Variants in DMXL2 observed in about 807,000 individuals in gnomAD.
DMXL2 encodes Dmx like 2.
Under a neutral mutation model 331.1 loss-of-function variants are expected in DMXL2, and 103 were observed. The observed-to-expected ratio is 0.31, with a 90% CI of 0.27 to 0.37. DMXL2 has a LOEUF of 0.37. DMXL2 is among the 10% of genes least tolerant of loss of function. The pLI is 1.00. For synonymous variants in DMXL2, 1,281 were observed against 1,252.1 expected (o/e 1.02, Z -0.49); for missense variants, 3,171 against 3,642.9 (o/e 0.87, Z 3.33).
At chr15:51,524,371 C>T (rs148898663) in intron 13 of DMXL2, among the ~76,000 whole-genome samples, 2 of 152,104 alleles carry the variant, frequency 1.3e-5, no homozygotes, top group South Asian at 2.1e-4. Context: ...TAGAGGGCTC[C>T]CCCAATCGTC....
chr15:51,519,958 C>T (rs1273129047), intron 13 of DMXL2, among the ~76,000 whole-genome samples: 2 of 152,026 alleles, frequency 1.3e-5, no homozygotes, highest in African/African-American at 4.8e-5. Flanking sequence ...GTTTTAAGGG[C>T]ATCATTCTAA....
intron 1 of DMXL2, among the ~76,000 whole-genome samples, chr15:51,600,271 GTTA>G (rs1389700688): frequency 6.6e-6 from 1 of 152,022 alleles, no homozygotes; most frequent in East Asian, 1.9e-4. Flanking sequence ...CCACCTCCTG[GTTA>G]TCACCTCCTT....
Position 51,539,580 on chromosome 15 carries a change from G to A in DMXL2, c.1106-1128C>T, listed in dbSNP as rs986240918. On this transcript the variant is annotated intron_variant, in intron 9 of 43. Transcript: ENST00000560891. ...TCCTAGCACTTCTGAAGGCCAAGGC[G>A]GGAGGATCGCTTGAACTTAGGAGTT... Among the ~76,000 whole-genome samples, 8 of 152,086 alleles carry A rather than the reference G, an allele frequency of 5.3e-5. No individual in the cohort carries two copies. The South Asian group carries it at 6.2e-4, about 12-fold the overall frequency.
At chr15:51,467,730 T>TTC (rs960307045) in intron 29 of DMXL2, among the ~76,000 whole-genome samples, 6 of 80,770 alleles carry the variant, frequency 7.4e-5, no homozygotes, top group African/African-American at 3.1e-4. Context: ...CTAGTACTTC[T>TTC]TTTTTTTTTT....
chr15:51,477,593 C>T (rs1243825852), intron 26 of DMXL2, among the ~76,000 whole-genome samples: 2 of 151,924 alleles, frequency 1.3e-5, no homozygotes, highest in East Asian at 3.9e-4. Flanking sequence ...AGAAAGAAAG[C>T]CAGAAATATA....
rs116596092 is a variant in DMXL2 at position 51,563,678 on chromosome 15, T to C, written c.501-231A>G. On this transcript the variant is annotated intron_variant, in intron 5 of 43. Transcript: ENST00000560891. ...AAGAATGTAAGTAACATGAATACAGTATATCTCCACCTACATGTCCCACCA... is the reference window on the plus strand; with the variant it reads ...AAGAATGTAAGTAACATGAATACAGCATATCTCCACCTACATGTCCCACCA... Among the ~76,000 whole-genome samples the C allele has an allele frequency of 2.1e-3, 325 of 152,248 alleles. 1 individual carries two copies. Among genetic ancestry groups the C allele is most frequent in the African/African-American group, 7.5e-3 (311 of 41,578 alleles).
intron 1 of DMXL2, among the ~76,000 whole-genome samples, chr15:51,602,856 A>T (rs909297558): frequency 2.6e-5 from 4 of 152,246 alleles, no homozygotes. Context: ...GATTTACAAA[A>T]GGCCCAGAGT....
chr15:51,569,533 G>A (rs1348782405), intron 2 of DMXL2, among the ~76,000 whole-genome samples: 1 of 152,194 alleles, frequency 6.6e-6, no homozygotes. Flanking sequence ...TACCCAGACT[G>A]GAGACACCTC....
At chr15:51,547,124 A>T in intron 7 of DMXL2, 106 bp downstream of exon 7, 1 of 943,408 alleles carries the variant, frequency 1.1e-6, no homozygotes, top group Non-Finnish European at 1.5e-6. Context: ...TTGATGCCAG[A>T]GCCTATGCTA....
chr15:51,592,746 G>A (rs2052482321), intron 1 of DMXL2, among the ~76,000 whole-genome samples: 1 of 152,164 alleles, frequency 6.6e-6, no homozygotes, highest in Non-Finnish European at 1.5e-5. Context: ...CCAGAAGAGA[G>A]TGGGGGCCAA....
chr15:51,573,573 A>G (rs1401686787), intron 2 of DMXL2, among the ~76,000 whole-genome samples: 1 of 152,138 alleles, frequency 6.6e-6, no homozygotes, highest in East Asian at 1.9e-4. Context: ...GGAAACCATT[A>G]TTCTCTGCAA....
chr15:51,528,566 A>C lies in DMXL2; in HGVS notation c.2436+7097T>G, dbSNP rs1914019. Among the ~76,000 whole-genome samples the C allele has an allele frequency of 9.6e-3, 1,457 of 152,302 alleles. 20 individuals carry two copies. Among genetic ancestry groups the C allele is most frequent in the African/African-American group, 0.034 (1,402 of 41,580 alleles). On this transcript the variant is annotated intron_variant, in intron 13 of 43. Coordinates refer to ENST00000560891, the MANE Select transcript of DMXL2 (RefSeq NM_001378457.1). ...TAATGCTGAAGGGGTCAATTCAGCA[A>C]GAGAATATAACAATTTTAAATGTAT... is the stretch of plus-strand genomic sequence containing the variant.
intron 32 of DMXL2, 29 bp downstream of exon 32, chr15:51,464,646 C>T (rs1335096382): frequency 6.3e-7 from 1 of 1,598,700 alleles, no homozygotes; most frequent in Admixed American, 1.7e-5. Context: ...AAGCTACGCT[C>T]TTTATCAGCA....
intron 32 of DMXL2, among the ~76,000 whole-genome samples, chr15:51,463,820 A>AT (rs2040335541): frequency 6.6e-6 from 1 of 152,204 alleles, no homozygotes; most frequent in African/African-American, 2.4e-5. Context: ...TGGTTAAAGC[A>AT]TATCAACAAT....
Position 51,491,756 on chromosome 15 carries a change from G to A in DMXL2, c.4784-9C>T. On this transcript the variant is annotated splice_polypyrimidine_tract_variant and intron_variant, in intron 19 of 43. Coordinates refer to ENST00000560891, the MANE Select transcript of DMXL2 (RefSeq NM_001378457.1). ...ATGGCATGTAGAGACACCTAAATTG[G>A]AAATATAAAATAATAATCTGCGTAA... 2 of 1,585,162 alleles carry A rather than the reference G, an allele frequency of 1.3e-6. No individual in the cohort carries two copies. Among genetic ancestry groups the A allele is most frequent in the Non-Finnish European group, 1.7e-6 (2 of 1,171,174 alleles).
rs58113467 is a variant in DMXL2 at position 51,605,517 on chromosome 15, C to CTTTTTTTTTTTTT, written c.87+16929_87+16941dup. Among the ~76,000 whole-genome samples, 5 of 22,226 alleles carry CTTTTTTTTTTTTT rather than the reference C, an allele frequency of 2.2e-4. 2 individuals are homozygous for CTTTTTTTTTTTTT. The highest frequency in any genetic ancestry group is 4.7e-4 in the Non-Finnish European group (4 of 8,536). 14.6% of individuals were successfully genotyped at this position (22,226 alleles called of 152,430 possible). A position where few individuals can be genotyped will look rare whatever the true frequency, so the allele number is the denominator to read the frequency against. On this transcript the variant is annotated intron_variant, in intron 1 of 43. Coordinates refer to ENST00000560891, the MANE Select transcript of DMXL2 (RefSeq NM_001378457.1). ...GGCCCAGCCCATACAGATTAATATTCTTTTTTTTTTTTTTTTTTTTTTTTT... is the reference window on the plus strand; with the variant it reads ...GGCCCAGCCCATACAGATTAATATTCTTTTTTTTTTTTTTTTTTTTTTTTTTTTTTTTTTTTTT...
chr15:51,519,869 C>T (rs1347977284), intron 13 of DMXL2, among the ~76,000 whole-genome samples: 1 of 152,008 alleles, frequency 6.6e-6, no homozygotes, highest in Non-Finnish European at 1.5e-5. Flanking sequence ...TCTTGAACTC[C>T]TGACCTCACG....
chr15:51,580,056 TAGA>T (rs1246382429), intron 1 of DMXL2, among the ~76,000 whole-genome samples: 2 of 152,200 alleles, frequency 1.3e-5, no homozygotes, highest in Non-Finnish European at 2.9e-5. Context: ...CTGTTGGTGC[TAGA>T]AGGAGTGTGT....
In DMXL2 at chr15:51,576,134, T is replaced by G; in HGVS notation, c.135A>C (p.Glu45Asp). 1 of 1,517,388 alleles carries G rather than the reference T, an allele frequency of 6.6e-7. No homozygotes were observed. The highest frequency in any genetic ancestry group is 8.8e-7 in the Non-Finnish European group (1 of 1,132,902). The allele number at this position is 1,517,388 out of a possible 1,614,324, so 94.0% of individuals were successfully genotyped here. ...CDIVILANDF[E>D]CVQIIPGAKH... is the part of the protein sequence containing the mutation. Reference sequence around the variant, plus strand: ...TAGCACCAGGAATGATCTGTACACATTCAAAGTCATTTGCCAAAATAACAA... The same window carrying G: ...TAGCACCAGGAATGATCTGTACACAGTCAAAGTCATTTGCCAAAATAACAA... Residue 45 changes from glutamate to aspartate, a missense_variant, in exon 2 of 44, where the codon GAA becomes GAC. By Grantham distance (45) the Glu-to-Asp change is conservative. Coordinates refer to ENST00000560891, the MANE Select transcript of DMXL2 (RefSeq NM_001378457.1).
Sources: allele counts gnomAD v4.1 joint callset (sites outside exome capture counted in the v4.1 genomes callset), GRCh38; gene constraint gnomAD v4.1.1; transcripts MANE v1.5; gene names NCBI Gene and HGNC (gene_info 2026-07-23, HGNC 2026-07-21).